JAZF1: variants seen among roughly 807,000 people sequenced by gnomAD.
JAZF1 encodes juxtaposed with another zinc finger protein 1.
Under a neutral mutation model 26.4 loss-of-function variants are expected in JAZF1, and 8 were observed. That is an observed-to-expected ratio of 0.30 (90% CI 0.18 to 0.55). The LOEUF is 0.55. JAZF1 is among the 20% of genes least tolerant of loss of function. The pLI, the probability that JAZF1 is intolerant of heterozygous loss-of-function variation, is 0.94. For synonymous variants in JAZF1, 126 were observed against 122.3 expected (o/e 1.03, Z -0.20); for missense variants, 199 against 322.0 (o/e 0.62, Z 2.92).
At chr7:28,081,191 G>A (rs1200501751) in intron 1 of JAZF1, among the ~76,000 whole-genome samples, 1 of 152,224 alleles carries the variant, frequency 6.6e-6, no homozygotes, top group Non-Finnish European at 1.5e-5. Flanking sequence ...AAGGTTTTGA[G>A]ACAGGGCTAA....
chr7:28,026,277 A>G (rs1783092218), intron 1 of JAZF1, among the ~76,000 whole-genome samples: 1 of 152,220 alleles, frequency 6.6e-6, no homozygotes, highest in African/African-American at 2.4e-5. Flanking sequence ...GCCCAAAGTT[A>G]GCCCAAATCA....
chr7:27,943,332 C>T (rs1318586248), intron 2 of JAZF1, among the ~76,000 whole-genome samples: 3 of 152,144 alleles, frequency 2.0e-5, no homozygotes, highest in East Asian at 1.9e-4. Context: ...TGTGATAAGG[C>T]TCAGGGTCGT....
intron 2 of JAZF1, among the ~76,000 whole-genome samples, chr7:27,915,472 C>T (rs1784432172): frequency 6.6e-6 from 1 of 152,066 alleles, no homozygotes; most frequent in South Asian, 2.1e-4. Context: ...ATAATTTGAT[C>T]GCTAGCACTT....
intron 2 of JAZF1, among the ~76,000 whole-genome samples, chr7:27,966,941 C>T (rs114777565): frequency 9.2e-5 from 14 of 152,250 alleles, no homozygotes; most frequent in African/African-American, 3.1e-4. Context: ...TGGGGGCATC[C>T]AGGTTGCTTG....
intron 1 of JAZF1, among the ~76,000 whole-genome samples, chr7:28,123,335 C>A (rs1286085484): frequency 6.6e-6 from 1 of 152,210 alleles, no homozygotes; most frequent in African/African-American, 2.4e-5. Flanking sequence ...AACCCCTCAA[C>A]ATTATTCACC....
At chr7:27,925,808 A>C (rs1784594755) in intron 2 of JAZF1, among the ~76,000 whole-genome samples, 1 of 152,242 alleles carries the variant, frequency 6.6e-6, no homozygotes, top group Non-Finnish European at 1.5e-5. Flanking sequence ...GTTCTTAAAA[A>C]TCATGGCAGC....
intron 2 of JAZF1, among the ~76,000 whole-genome samples, chr7:27,917,464 C>T (rs1379440293): frequency 6.6e-6 from 1 of 152,186 alleles, no homozygotes; most frequent in African/African-American, 2.4e-5. Flanking sequence ...TCTAGGGTGG[C>T]AACTAATAAT....
chr7:27,921,201 C>T (rs1784523648), intron 2 of JAZF1, among the ~76,000 whole-genome samples: 1 of 152,192 alleles, frequency 6.6e-6, no homozygotes, highest in South Asian at 2.1e-4. Flanking sequence ...GTCATCTGAT[C>T]TCATGGTTGG....
At chr7:28,062,988 C>T (rs2128383091) in intron 1 of JAZF1, among the ~76,000 whole-genome samples, 1 of 152,168 alleles carries the variant, frequency 6.6e-6, no homozygotes, top group South Asian at 2.1e-4. Flanking sequence ...GAAATGTTGG[C>T]CAACTACATG....
chr7:27,881,233 G>A (rs1010954257), intron 3 of JAZF1, among the ~76,000 whole-genome samples: 2 of 152,168 alleles, frequency 1.3e-5, no homozygotes, highest in South Asian at 4.1e-4. Context: ...CCCACAGGTG[G>A]TGGCAGTAGC....
At chr7:27,997,951 T>C (rs1786050579) in intron 1 of JAZF1, among the ~76,000 whole-genome samples, 1 of 144,290 alleles carries the variant, frequency 6.9e-6, no homozygotes, top group South Asian at 2.2e-4. Context: ...TAAACGTGAA[T>C]GAGAGAAACC....
At chr7:27,869,421 A>T (rs1473730011) in intron 3 of JAZF1, among the ~76,000 whole-genome samples, 2 of 152,176 alleles carry the variant, frequency 1.3e-5, no homozygotes, top group Non-Finnish European at 2.9e-5. Flanking sequence ...ATAAATGTGG[A>T]CAGACTAGGT....
chr7:28,012,004 T>A (rs2128370482), intron 1 of JAZF1, among the ~76,000 whole-genome samples: 1 of 152,350 alleles, frequency 6.6e-6, no homozygotes, highest in Non-Finnish European at 1.5e-5. Context: ...AACAACCATA[T>A]TCCAGGCTCG....
In JAZF1 at chr7:28,167,882, A is replaced by C. The variant is rs1239677745; in HGVS notation, c.115+12581T>G. On this transcript the variant is annotated intron_variant, in intron 1 of 4. Coordinates refer to ENST00000283928, the MANE Select transcript of JAZF1 (RefSeq NM_175061.4). ...TGAATAAAAACCACTATAAGCTACT[A>C]TTCTTTTCATTTTCTGTAGTTCAGA... Among the ~76,000 whole-genome samples the C allele has an allele frequency of 2.6e-5, 4 of 152,320 alleles. No homozygotes were observed. In the East Asian group the frequency reaches 7.7e-4, roughly 29 times the overall value.
chr7:27,931,093 A>G (rs1784683078), intron 2 of JAZF1, among the ~76,000 whole-genome samples: 1 of 152,224 alleles, frequency 6.6e-6, no homozygotes, highest in South Asian at 2.1e-4. Context: ...TGCCTTCCAG[A>G]AGGCCATCTA....
At chr7:27,834,857 T>C (rs545215206) in intron 4 of JAZF1, among the ~76,000 whole-genome samples, 60 of 152,312 alleles carry the variant, frequency 3.9e-4, no homozygotes, top group African/African-American at 1.2e-3. Context: ...TAAAAGATAA[T>C]TGTTTTAAGC....
At chr7:27,833,359 A>G (rs542592305) in intron 4 of JAZF1, among the ~76,000 whole-genome samples, 2 of 152,360 alleles carry the variant, frequency 1.3e-5, no homozygotes, top group African/African-American at 4.8e-5. Context: ...ATGACCAACA[A>G]AATATCTTTC....
chr7:28,118,808 G>C (rs921325382), intron 1 of JAZF1, among the ~76,000 whole-genome samples: 2 of 151,176 alleles, frequency 1.3e-5, no homozygotes, highest in African/African-American at 2.5e-5. Context: ...CACACACACA[G>C]AGTCATGAGC....
At chr7:28,008,528 G>A (rs1415848967) in intron 1 of JAZF1, among the ~76,000 whole-genome samples, 2 of 152,232 alleles carry the variant, frequency 1.3e-5, no homozygotes, top group African/African-American at 4.8e-5. Flanking sequence ...TGGTCTGAGA[G>A]TCATTGTCTC....
Sources: allele counts gnomAD v4.1 joint callset (sites outside exome capture counted in the v4.1 genomes callset), GRCh38; gene constraint gnomAD v4.1.1; transcripts MANE v1.5; gene names NCBI Gene and HGNC (gene_info 2026-07-23, HGNC 2026-07-21).